GALNTL6: variants seen among roughly 807,000 people sequenced by gnomAD.
The protein encoded by GALNTL6 is polypeptide N-acetylgalactosaminyltransferase-like 6.
GALNTL6 carries 46 observed loss-of-function variants against 73.7 expected under a neutral mutation model. The ratio of observed to expected loss-of-function variants is 0.62; its 90% confidence interval spans 0.49 to 0.80. The LOEUF is 0.80. Among genes scored for constraint, GALNTL6 ranks in the 30% least tolerant of loss-of-function variants. The pLI, the probability that GALNTL6 is intolerant of heterozygous loss-of-function variation, is 0.00. For missense variants in GALNTL6, 604 were observed against 755.0 expected, an observed-to-expected ratio of 0.80 and a Z score of 2.34; for synonymous variants, 259 against 263.7, an observed-to-expected ratio of 0.98 and a Z score of 0.17.
At chr4:172,795,273 G>A (rs1230992429) in intron 5 of GALNTL6, among the ~76,000 whole-genome samples, 1 of 152,186 alleles carries the variant, frequency 6.6e-6, no homozygotes, top group Non-Finnish European at 1.5e-5. Context: ...GAAAGGATGA[G>A]ATCCTGTACA....
chr4:172,905,441 C>A lies in GALNTL6; in HGVS notation c.1041+22534C>A, dbSNP rs114882088. Among the ~76,000 whole-genome samples the A allele has an allele frequency of 5.7e-3, 868 of 152,208 alleles. 5 individuals are homozygous for A. Among genetic ancestry groups the A allele is most frequent in the African/African-American group, 0.02 (832 of 41,532 alleles). On this transcript the variant is annotated intron_variant, in intron 8 of 12. Coordinates refer to ENST00000506823, the MANE Select transcript of GALNTL6 (RefSeq NM_001034845.3). ...TTTTACTATTTTCAAAGCACAGTGGCTACTCAATAAGAAATGAACATGCAT... is the reference window on the plus strand; with the variant it reads ...TTTTACTATTTTCAAAGCACAGTGGATACTCAATAAGAAATGAACATGCAT...
chr4:172,421,972 T>G (rs1341693471), intron 5 of GALNTL6, among the ~76,000 whole-genome samples: 1 of 152,096 alleles, frequency 6.6e-6, no homozygotes, highest in Non-Finnish European at 1.5e-5. Flanking sequence ...ATCAAAAAAT[T>G]AGATGTCCTC....
At chr4:172,796,895 T>A (rs1740302538) in intron 5 of GALNTL6, among the ~76,000 whole-genome samples, 1 of 152,190 alleles carries the variant, frequency 6.6e-6, no homozygotes, top group Non-Finnish European at 1.5e-5. Flanking sequence ...TAGTAACTGT[T>A]TAGAGGAATT....
intron 5 of GALNTL6, among the ~76,000 whole-genome samples, chr4:172,450,009 G>A (rs536446715): frequency 6.6e-6 from 1 of 152,068 alleles, no homozygotes; most frequent in Admixed American, 6.6e-5. Context: ...CCTGAGGCTG[G>A]GAGTATGAGA....
At chr4:171,955,675 G>C (rs1475457613) in intron 2 of GALNTL6, among the ~76,000 whole-genome samples, 1 of 152,068 alleles carries the variant, frequency 6.6e-6, no homozygotes, top group Non-Finnish European at 1.5e-5. Flanking sequence ...GTTTAGTACA[G>C]ATGCAAATTT....
intron 5 of GALNTL6, among the ~76,000 whole-genome samples, chr4:172,399,971 C>T (rs1743982317): frequency 6.6e-6 from 1 of 152,138 alleles, no homozygotes; most frequent in Admixed American, 6.6e-5. Context: ...CATTTGTTCT[C>T]AGACATACAA....
intron 5 of GALNTL6, among the ~76,000 whole-genome samples, chr4:172,550,628 T>G (rs1579179957): frequency 6.6e-6 from 1 of 152,154 alleles, no homozygotes; most frequent in Non-Finnish European, 1.5e-5. Context: ...GACAGGATCT[T>G]GCTCTATCAC....
At chr4:172,264,555 A>AATATATATATATATATAT (rs201920170) in intron 3 of GALNTL6, among the ~76,000 whole-genome samples, 47 of 103,746 alleles carry the variant, frequency 4.5e-4, no homozygotes, top group South Asian at 1.5e-3. Flanking sequence ...ATATATGCCA[A>AATATATATATATATATAT]ATATATATAT....
chr4:172,422,064 A>G (rs879611912), intron 5 of GALNTL6, among the ~76,000 whole-genome samples: 3 of 152,134 alleles, frequency 2.0e-5, no homozygotes, highest in Non-Finnish European at 4.4e-5. Context: ...TTGTGCCTAT[A>G]CTTTGCAATT....
chr4:172,891,206 G>T (rs1451677383), intron 8 of GALNTL6, among the ~76,000 whole-genome samples: 1 of 151,812 alleles, frequency 6.6e-6, no homozygotes. Context: ...TTCTGTCATG[G>T]TGTCAATGGC....
chr4:172,463,795 C>A (rs536028555), intron 5 of GALNTL6, among the ~76,000 whole-genome samples: 2 of 152,274 alleles, frequency 1.3e-5, no homozygotes, highest in African/African-American at 4.8e-5. Flanking sequence ...CATATGCAAG[C>A]AATCTGTGGA....
intron 2 of GALNTL6, among the ~76,000 whole-genome samples, chr4:172,218,296 A>C (rs1374517316): frequency 6.6e-6 from 1 of 152,090 alleles, no homozygotes; most frequent in Admixed American, 6.6e-5. Context: ...AGTAGGCCTT[A>C]GGCCTTTGTT....
chr4:172,063,791 T>G (rs915495257), intron 2 of GALNTL6, among the ~76,000 whole-genome samples: 1 of 152,130 alleles, frequency 6.6e-6, no homozygotes. Context: ...TTATTTGGAC[T>G]CTCCCCAATT....
At chr4:172,422,201 G>A (rs1731075813) in intron 5 of GALNTL6, among the ~76,000 whole-genome samples, 1 of 152,028 alleles carries the variant, frequency 6.6e-6, no homozygotes, top group Non-Finnish European at 1.5e-5. Flanking sequence ...AAATAGTTGT[G>A]TATATTCTCT....
intron 8 of GALNTL6, among the ~76,000 whole-genome samples, chr4:172,890,587 T>C (rs1001260048): frequency 6.6e-6 from 1 of 152,204 alleles, no homozygotes; most frequent in African/African-American, 2.4e-5. Context: ...TTTTTGAATT[T>C]ATTGAGACTT....
chr4:172,528,588 G>A lies in GALNTL6; in HGVS notation c.553+179899G>A, dbSNP rs113486068. Among the ~76,000 whole-genome samples the A allele has an allele frequency of 7.6e-3, 1,151 of 150,988 alleles. 16 individuals are homozygous for A. Among genetic ancestry groups the A allele is most frequent in the African/African-American group, 0.026 (1,071 of 41,124 alleles). ...TCTCGATCTCCTGACCTTGTGATCC[G>A]CCCACCTTGGCATCCCAAAGTCTGG... On this transcript the variant is annotated intron_variant, in intron 5 of 12. Transcript: ENST00000506823.
chr4:172,569,172 A>G (rs1321772477), intron 5 of GALNTL6, among the ~76,000 whole-genome samples: 1 of 152,166 alleles, frequency 6.6e-6, no homozygotes, highest in Non-Finnish European at 1.5e-5. Context: ...TGTTTCTCAT[A>G]GTTCTGGAGC....
chr4:172,793,415 T>TCTGTC (rs1311792692), intron 5 of GALNTL6, among the ~76,000 whole-genome samples: 2 of 152,160 alleles, frequency 1.3e-5, no homozygotes, highest in Admixed American at 1.3e-4. Flanking sequence ...GCAGGGCTTG[T>TCTGTC]CTGTCCGAAG....
chr4:172,136,528 G>A (rs1411427478), intron 2 of GALNTL6, among the ~76,000 whole-genome samples: 1 of 151,844 alleles, frequency 6.6e-6, no homozygotes, highest in Non-Finnish European at 1.5e-5. Context: ...TTTTCTCCAT[G>A]ACCTTGAAAG....
Sources: allele counts gnomAD v4.1 joint callset (sites outside exome capture counted in the v4.1 genomes callset), GRCh38; gene constraint gnomAD v4.1.1; transcripts MANE v1.5; gene names NCBI Gene and HGNC (gene_info 2026-07-23, HGNC 2026-07-21).